The following AQR variants were observed in gnomAD, a reference collection of about 807,000 sequenced individuals.
AQR encodes the protein aquarius intron-binding spliceosomal factor, also known as RNA helicase aquarius.
AQR carries 61 observed loss-of-function variants against 180.5 expected under a neutral mutation model. The observed-to-expected ratio is 0.34, with a 90% CI of 0.28 to 0.42. The LOEUF is 0.42. Ranked by LOEUF, AQR falls within the 10% of genes least tolerant of loss-of-function variation. The pLI is 1.00. For missense variants in AQR, 1,281 were observed against 1,798.3 expected, an observed-to-expected ratio of 0.71 and a Z score of 5.20; for synonymous variants, 551 against 588.8, an observed-to-expected ratio of 0.94 and a Z score of 0.93.
At chr15:34,948,791 C>A (rs1894169535) in intron 4 of AQR, among the ~76,000 whole-genome samples, 2 of 143,324 alleles carry the variant, frequency 1.4e-5, no homozygotes, top group African/African-American at 2.6e-5. Flanking sequence ...AGCTAGACTC[C>A]ATCTCAAAAA....
intron 27 of AQR, among the ~76,000 whole-genome samples, chr15:34,879,389 T>C (rs1362959374): frequency 1.3e-5 from 2 of 151,488 alleles, no homozygotes; most frequent in Non-Finnish European, 3.0e-5. Context: ...TGTTTCATGT[T>C]ATCTCCTCTA....
chr15:34,904,555 T>C lies in AQR; in HGVS notation c.1832-50A>G, dbSNP rs144988539. 1.6e-5 allele frequency: 24 copies of C among 1,496,644 alleles called. No homozygotes were observed. The African/African-American group carries it at 3.0e-4, about 19-fold the overall frequency. The allele number at this position is 1,496,644 out of a possible 1,614,324, so 92.7% of individuals were successfully genotyped here. A position where few individuals can be genotyped will look rare whatever the true frequency, so the allele number is the denominator to read the frequency against. ...AAATAAAATATGTATTTTTCAAATATCAAAATAAGTTAACAGTATTTCTTT... is the reference window on the plus strand; with the variant it reads ...AAATAAAATATGTATTTTTCAAATACCAAAATAAGTTAACAGTATTTCTTT... On this transcript the variant is annotated intron_variant, in intron 18 of 34. Coordinates refer to ENST00000156471, the MANE Select transcript of AQR (RefSeq NM_014691.3).
At chr15:34,915,272 C>A in intron 15 of AQR, 93 bp from the exon 16 acceptor site, 2 of 1,212,124 alleles carry the variant, frequency 1.7e-6, no homozygotes, top group Middle Eastern at 2.8e-4. Context: ...CTCACTGCAA[C>A]CTCCGCCTCC....
intron 15 of AQR, among the ~76,000 whole-genome samples, chr15:34,917,874 C>A (rs1051511260): frequency 7.4e-5 from 11 of 149,076 alleles, no homozygotes; most frequent in African/African-American, 2.0e-4. Context: ...GTCCCAGGTA[C>A]TCGGGAGGCT....
At chr15:34,870,992 A>C in intron 30 of AQR, 70 bp from the exon 31 acceptor site, 350 of 1,490,618 alleles carry the variant, frequency 2.3e-4, no homozygotes, top group Non-Finnish European at 3.0e-4. Flanking sequence ...AAAATATCTC[A>C]TCTAGATAAG....
At chr15:34,948,193 A>T in intron 5 of AQR, 71 bp downstream of exon 5, 2 of 1,541,366 alleles carry the variant, frequency 1.3e-6, no homozygotes, top group South Asian at 1.3e-5. Context: ...CACTATCAGT[A>T]AAAGTTCTGC....
intron 1 of AQR, 163 bp from the exon 2 acceptor site, chr15:34,964,453 C>T: frequency 1.4e-6 from 1 of 705,784 alleles, no homozygotes; most frequent in Non-Finnish European, 2.6e-6. Context: ...CAGTTGGCAT[C>T]CTTGACCCCA....
At chr15:34,961,906 A>G (rs1447118678) in intron 2 of AQR, among the ~76,000 whole-genome samples, 1 of 152,178 alleles carries the variant, frequency 6.6e-6, no homozygotes, top group Non-Finnish European at 1.5e-5. Context: ...GCCTTCACTA[A>G]CAGTTATCAA....
intron 13 of AQR, among the ~76,000 whole-genome samples, chr15:34,924,919 TAAA>T (rs34745223): frequency 2.2e-4 from 29 of 133,952 alleles, no homozygotes; most frequent in Non-Finnish European, 3.9e-4. Flanking sequence ...AAGCTAAATG[TAAA>T]AAAAAAAAAA....
intron 4 of AQR, among the ~76,000 whole-genome samples, chr15:34,949,571 T>A (rs1183069982): frequency 8.0e-6 from 1 of 125,746 alleles, no homozygotes. Context: ...ATCGCGCCAC[T>A]GCACTCCAGC....
intron 11 of AQR, among the ~76,000 whole-genome samples, chr15:34,931,780 C>T (rs1893864799): frequency 6.6e-6 from 1 of 152,186 alleles, no homozygotes; most frequent in Admixed American, 6.5e-5. Context: ...TGCCACTGCA[C>T]TCCAGCCCGG....
intron 27 of AQR, among the ~76,000 whole-genome samples, chr15:34,879,085 G>A (rs150338355): frequency 1.6e-4 from 24 of 151,836 alleles, no homozygotes; most frequent in African/African-American, 5.6e-4. Context: ...GTAGACTTCT[G>A]TTAAAAGGTG....
Position 34,944,304 on chromosome 15 carries a change from T to C in AQR, c.455A>G (p.His152Arg), listed in dbSNP as rs751404433. 1.9e-6 allele frequency: 3 copies of C among 1,592,888 alleles called. No individual in the cohort carries two copies. The highest frequency in any genetic ancestry group is 1.4e-5 in the African/African-American group (1 of 73,588). The change falls in exon 6 of 35, where the codon CAT becomes CGT. Residue 152 changes from histidine to arginine, a missense_variant. This residue lies in a region of AQR where 404 missense variants were observed against 490.9 expected (regional missense o/e 0.82). Transcript: ENST00000156471. ...TAAAAGTACCAAACTATTGAAGCAA[T>C]GATCAAGAAAAAGTAGTAAGACTGT... ...EQTVLLLFLD[H>R]CFNSLEVDLI...
intron 3 of AQR, among the ~76,000 whole-genome samples, chr15:34,954,605 C>T (rs958976842): frequency 2.0e-5 from 3 of 152,190 alleles, no homozygotes; most frequent in African/African-American, 4.8e-5. Flanking sequence ...CCATGCCTGG[C>T]CTTGAAAAAT....
At chr15:34,868,999 GA>G (rs1373179926) in intron 31 of AQR, 4 of 152,088 alleles carry the variant, frequency 2.6e-5, no homozygotes, top group African/African-American at 9.7e-5. Flanking sequence ...CATTGCTCTT[GA>G]ATAAATATGC....
intron 1 of AQR, 116 bp downstream of exon 1, chr15:34,969,423 A>G (rs1301640940): frequency 1.9e-6 from 2 of 1,054,808 alleles, no homozygotes; most frequent in Admixed American, 2.0e-5. Context: ...GTGTGAATCA[A>G]TTAACAAACG....
chr15:34,960,434 A>T (rs1326718268), intron 3 of AQR, among the ~76,000 whole-genome samples: 1 of 152,200 alleles, frequency 6.6e-6, no homozygotes, highest in African/African-American at 2.4e-5. Context: ...ATATTATTGT[A>T]AATTTAATAA....
intron 5 of AQR, among the ~76,000 whole-genome samples, chr15:34,947,571 AT>A (rs1430566939): frequency 6.8e-4 from 102 of 150,594 alleles, no homozygotes; most frequent in African/African-American, 2.2e-3. Context: ...GACAAAAAAA[AT>A]AAAAATAAAC....
At position 34,852,659 on chromosome 15, in the gene AQR, T is replaced by G. The variant is rs1217486464; in HGVS notation, c.*4133A>C. On this transcript the variant is annotated 3_prime_UTR_variant, in exon 35 of 35. Coordinates refer to ENST00000156471, the MANE Select transcript of AQR (RefSeq NM_014691.3). The stretch of plus-strand genomic sequence containing the variant: ...AAACATGATTCTTTCCAGTGGGACA[T>G]CTGAGAGTCTTTAATTAGCTAACAG... The G allele has an allele frequency of 6.6e-6, 1 of 152,208 alleles. No homozygotes were observed. The highest frequency in any genetic ancestry group is 1.5e-5 in the Non-Finnish European group (1 of 68,034). The allele number at this position is 152,208 out of a possible 1,614,324, so 9.4% of individuals were successfully genotyped here. A position where few individuals can be genotyped will look rare whatever the true frequency, so the allele number is the denominator to read the frequency against.
Sources: gnomAD v4.1 joint callset for allele counts (sites outside exome capture counted in the v4.1 genomes callset) on GRCh38, gnomAD v4.1.1 for gene constraint, gnomAD v4.1.1 regional missense constraint, MANE v1.5 for transcripts, NCBI Gene and HGNC (gene_info 2026-07-23, HGNC 2026-07-21) for gene names.